Variants in MAP3K20 observed in about 807,000 individuals in gnomAD.
MAP3K20 encodes HCCS-4.
In MAP3K20, 40 loss-of-function variants were observed where a neutral mutation model predicts 85.7. The observed-to-expected ratio is 0.47, with a 90% CI of 0.36 to 0.61. The LOEUF (loss-of-function observed/expected upper bound fraction) is 0.61, where lower values mean the gene tolerates loss of function less well. MAP3K20 is among the 20% of genes least tolerant of loss of function. The probability of loss-of-function intolerance (pLI) is 0.00; values close to 1 mark genes in which losing one functional copy is unlikely to be tolerated. For synonymous variants in MAP3K20, 325 were observed against 327.7 expected (o/e 0.99, Z 0.09); for missense variants, 817 against 961.7 (o/e 0.85, Z 1.99).
In MAP3K20 at chr2:173,120,424, G is replaced by A. The variant is rs563026125; in HGVS notation, c.159+29234G>A. Reference sequence around the variant, plus strand: ...TAGACCTCCTTGCCCCCATTGTTTAGCAACAACCCAATATTCCCTTGGTAA... The same window carrying A: ...TAGACCTCCTTGCCCCCATTGTTTAACAACAACCCAATATTCCCTTGGTAA... On this transcript the variant is annotated intron_variant, in intron 2 of 19. Transcript: ENST00000375213. 2.2e-4 allele frequency among the ~76,000 whole-genome samples: 33 copies of A among 151,918 alleles called. No individual in the cohort carries two copies. The South Asian group carries it at 2.3e-3, about 11-fold the overall frequency.
chr2:173,141,098 A>C (rs1688958331), intron 2 of MAP3K20, among the ~76,000 whole-genome samples: 1 of 152,186 alleles, frequency 6.6e-6, no homozygotes, highest in Non-Finnish European at 1.5e-5. Context: ...TGAACTTAGT[A>C]TACTGAGGCA....
At chr2:173,224,987 GA>G (rs1314707974) in intron 11 of MAP3K20, 1 of 983,012 alleles carries the variant, frequency 1.0e-6, no homozygotes, top group African/African-American at 1.8e-5. Context: ...GAGGTTAAAA[GA>G]AACAGTGAGA....
At position 173,250,986 on chromosome 2, in the gene MAP3K20, G is replaced by A. The variant is rs536640784; in HGVS notation, c.1360-7713G>A. Among the ~76,000 whole-genome samples the A allele has an allele frequency of 5.6e-4, 86 of 152,236 alleles. 2 individuals carry two copies. Among genetic ancestry groups the A allele is most frequent in the African/African-American group, 1.9e-3 (80 of 41,536 alleles). Reference sequence around the variant, plus strand: ...TGATAAATAACCCAGGTGCTATCACGGGATGTTCCACTCTCCTGCCTTTAA... The same window carrying A: ...TGATAAATAACCCAGGTGCTATCACAGGATGTTCCACTCTCCTGCCTTTAA... On this transcript the variant is annotated intron_variant, in intron 16 of 19. Transcript: ENST00000375213.
At chr2:173,096,370 C>T (rs984847965) in intron 2 of MAP3K20, among the ~76,000 whole-genome samples, 1 of 144,620 alleles carries the variant, frequency 6.9e-6, no homozygotes, top group South Asian at 2.1e-4. Context: ...CACAGAGTCT[C>T]GCTCTTTTGC....
intron 2 of MAP3K20, among the ~76,000 whole-genome samples, chr2:173,101,216 AT>A (rs547434780): frequency 1.1e-4 from 16 of 152,156 alleles, no homozygotes; most frequent in African/African-American, 3.9e-4. Flanking sequence ...AACACCACTG[AT>A]TTTTTTTAGA....
chr2:173,129,448 G>A (rs1287717931), intron 2 of MAP3K20, among the ~76,000 whole-genome samples: 1 of 152,122 alleles, frequency 6.6e-6, no homozygotes, highest in Non-Finnish European at 1.5e-5. Context: ...AATGGAAACT[G>A]TAAGATGCCA....
rs1005520267 is a variant in MAP3K20 at position 173,187,572 on chromosome 2, C to A, written c.364C>A (p.His122Asn). ...TDVAKGMHYL[H>N]MEAPVKVIHR... is the part of the protein sequence containing the mutation. ...TGTGTGAAAAGGAATGCATTATTTACATATGGAGGCTCCTGTCAAGGTGAT... is the reference window on the plus strand; with the variant it reads ...TGTGTGAAAAGGAATGCATTATTTAAATATGGAGGCTCCTGTCAAGGTGAT... Residue 122 changes from histidine (H) to asparagine (N), a missense_variant, in exon 5 of 20, where the codon CAT becomes AAT. Physicochemically the swap from His to Asn is moderately conservative, Grantham distance 68. Coordinates refer to ENST00000375213, the MANE Select transcript of MAP3K20 (RefSeq NM_016653.3). The A allele has an allele frequency of 7.5e-6, 12 of 1,606,190 alleles. No individual in the cohort carries two copies. The highest frequency in any genetic ancestry group is 9.3e-6 in the Non-Finnish European group (11 of 1,177,348).
At chr2:173,232,134 A>G (rs1019772805) in intron 12 of MAP3K20, 58 bp from the exon 13 acceptor site, 32 of 1,603,402 alleles carry the variant, frequency 2.0e-5, no homozygotes, top group Non-Finnish European at 2.6e-5. Context: ...TTTACTGTGA[A>G]GACTGGCCAC....
At chr2:173,125,763 T>C (rs574917537) in intron 2 of MAP3K20, among the ~76,000 whole-genome samples, 2 of 152,106 alleles carry the variant, frequency 1.3e-5, no homozygotes, top group South Asian at 2.1e-4. Flanking sequence ...CCTGGGTTCA[T>C]GCCATTCTCC....
At chr2:173,235,909 G>A (rs1329369241) in intron 14 of MAP3K20, among the ~76,000 whole-genome samples, 1 of 152,170 alleles carries the variant, frequency 6.6e-6, no homozygotes, top group Non-Finnish European at 1.5e-5. Context: ...AGTAGGAAAT[G>A]AGGAGAGAAT....
At chr2:173,114,224 G>A (rs534412203) in intron 2 of MAP3K20, among the ~76,000 whole-genome samples, 3 of 152,022 alleles carry the variant, frequency 2.0e-5, no homozygotes, top group Non-Finnish European at 4.4e-5. Flanking sequence ...CTTGCTTTTG[G>A]TGTCCATTTA....
intron 16 of MAP3K20, among the ~76,000 whole-genome samples, chr2:173,240,375 G>GC (rs1684753613): frequency 6.6e-6 from 1 of 152,140 alleles, no homozygotes; most frequent in African/African-American, 2.4e-5. Context: ...GCTGGCCCTG[G>GC]CCTTTCCTCA....
In MAP3K20 at chr2:173,258,793, C is replaced by G; in HGVS notation, c.1454C>G (p.Ala485Gly). The G allele has an allele frequency of 6.2e-7, 1 of 1,608,192 alleles. No homozygotes were observed. Among genetic ancestry groups the G allele is most frequent in the Non-Finnish European group, 8.5e-7 (1 of 1,175,358 alleles). The change falls in exon 17 of 20, where the codon GCG (alanine) becomes GGG (glycine). Residue 485 changes from alanine (A) to glycine (G), a missense_variant. Physicochemically the swap from Ala to Gly is moderately conservative, Grantham distance 60. Coordinates refer to ENST00000375213, the MANE Select transcript of MAP3K20 (RefSeq NM_016653.3). ...ACATTCAACACTAACCTACCTGATG[C>G]GGAGATTTTAAAGATGACAAAGGTA... ...DVTFNTNLPD[A>G]EILKMTKPPF...
intron 2 of MAP3K20, among the ~76,000 whole-genome samples, chr2:173,112,314 C>T (rs1314279402): frequency 6.6e-6 from 1 of 152,020 alleles, no homozygotes; most frequent in Non-Finnish European, 1.5e-5. Flanking sequence ...CTGGAGGAGT[C>T]CTTAGGGTTT....
intron 8 of MAP3K20, among the ~76,000 whole-genome samples, chr2:173,200,891 C>T (rs1464816131): frequency 1.3e-5 from 2 of 152,102 alleles, no homozygotes; most frequent in African/African-American, 4.8e-5. Flanking sequence ...CTCGGCCTCC[C>T]AAAGTGCTGG....
chr2:173,099,259 G>A (rs1282277200), intron 2 of MAP3K20, among the ~76,000 whole-genome samples: 2 of 147,628 alleles, frequency 1.4e-5, no homozygotes, highest in African/African-American at 2.5e-5. Context: ...CTGACTTTCC[G>A]GCCTTTTTTT....
chr2:173,250,510 A>G (rs1685018336), intron 16 of MAP3K20, among the ~76,000 whole-genome samples: 2 of 152,224 alleles, frequency 1.3e-5, no homozygotes, highest in African/African-American at 2.4e-5. Flanking sequence ...TCATGTTTTT[A>G]TATACTGGCA....
chr2:173,081,380 T>C (rs922009314), intron 1 of MAP3K20, among the ~76,000 whole-genome samples: 4 of 152,128 alleles, frequency 2.6e-5, no homozygotes, highest in Admixed American at 1.3e-4. Context: ...TGTTTATTCA[T>C]ATCACCTTCT....
intron 8 of MAP3K20, among the ~76,000 whole-genome samples, chr2:173,199,240 A>G (rs1209754139): frequency 1.3e-5 from 2 of 152,238 alleles, no homozygotes; most frequent in Non-Finnish European, 2.9e-5. Flanking sequence ...CATCTTTTAG[A>G]TCACATAATC....
Sources: allele counts gnomAD v4.1 joint callset (sites outside exome capture counted in the v4.1 genomes callset), GRCh38; gene constraint gnomAD v4.1.1; transcripts MANE v1.5; gene names NCBI Gene and HGNC (gene_info 2026-07-23, HGNC 2026-07-21).